The following FUBP3 variants were observed in gnomAD, a reference collection of about 807,000 sequenced individuals.
FUBP3 encodes far upstream element-binding protein 3.
FUBP3 carries 28 observed loss-of-function variants against 85.6 expected under a neutral mutation model. The ratio of observed to expected loss-of-function variants is 0.33; its 90% CI spans 0.24 to 0.45. FUBP3 has a LOEUF of 0.45. Among genes scored for constraint, FUBP3 ranks in the 20% least tolerant of loss-of-function variants. The pLI, the probability that FUBP3 is intolerant of heterozygous loss-of-function variation, is 1.00. For missense variants in FUBP3, 583 were observed against 755.1 expected (o/e 0.77, Z 2.67); for synonymous variants, 271 against 271.4 (o/e 1.00, Z 0.01).
At chr9:130,614,169 TG>T (rs958389904) in intron 5 of FUBP3, 118 bp from the exon 6 acceptor site, 3 of 586,294 alleles carry the variant, frequency 5.1e-6, no homozygotes, top group African/African-American at 3.7e-5. Context: ...TGTCTTTTTC[TG>T]GGAGCCTGGG....
Position 130,631,624 on chromosome 9 carries a change from A to G in FUBP3, c.1346A>G (p.His449Arg). Residue 449 changes from histidine (H) to arginine (R), a missense_variant, in exon 14 of 19, where the codon CAT (histidine) becomes CGT (arginine). By Grantham distance (29) the His-to-Arg change is conservative. This residue lies in a region of FUBP3 where 404 missense variants were observed against 516.8 expected (regional missense o/e 0.78). Transcript: ENST00000319725. The part of the protein sequence containing the change: ...SPFSQPPAPP[H>R]QNTFPPRSSG... ...TTCAGCCAGCCACCTGCCCCACCTC[A>G]TCAAAAGTGAGTCTTTTGCATCAGT... The G allele has an allele frequency of 6.2e-7, 1 of 1,610,982 alleles. No individual in the cohort carries two copies. The highest frequency in any genetic ancestry group is 8.5e-7 in the Non-Finnish European group (1 of 1,177,130).
intron 2 of FUBP3, among the ~76,000 whole-genome samples, chr9:130,607,143 T>C (rs1214064972): frequency 6.6e-6 from 1 of 151,974 alleles, no homozygotes; most frequent in Non-Finnish European, 1.5e-5. Flanking sequence ...GTGTATTTTT[T>C]TTTTTTTTAC....
chr9:130,631,078 C>T, intron 13 of FUBP3: 1 of 1,054,700 alleles, frequency 9.5e-7, no homozygotes. Flanking sequence ...GGGCGGCAGC[C>T]TCCCCCCACG....
chr9:130,636,534 G>A (rs765750036), intron 18 of FUBP3, among the ~76,000 whole-genome samples: 19 of 152,244 alleles, frequency 1.2e-4, no homozygotes, highest in East Asian at 3.8e-4. Context: ...AGCCATGCCC[G>A]GGCAGCAGCA....
intron 2 of FUBP3, among the ~76,000 whole-genome samples, chr9:130,599,702 A>G (rs557052814): frequency 2.3e-4 from 35 of 152,300 alleles, no homozygotes; most frequent in African/African-American, 8.2e-4. Context: ...AGTCTTTGAT[A>G]TGCATCCTTG....
intron 5 of FUBP3, 59 bp from the exon 6 acceptor site, chr9:130,614,229 C>T (rs1313456691): frequency 7.5e-6 from 8 of 1,059,768 alleles, no homozygotes; most frequent in Non-Finnish European, 1.2e-5. Context: ...CTTACAGAGG[C>T]AGAGGTGCAT....
At chr9:130,603,080 C>T (rs1674502442) in intron 2 of FUBP3, among the ~76,000 whole-genome samples, 3 of 152,230 alleles carry the variant, frequency 2.0e-5, no homozygotes, top group South Asian at 4.1e-4. Context: ...GGCATGGTAG[C>T]TCACGCCTGT....
intron 12 of FUBP3, among the ~76,000 whole-genome samples, chr9:130,630,030 AC>A (rs1830149079): frequency 6.6e-6 from 1 of 152,118 alleles, no homozygotes; most frequent in Non-Finnish European, 1.5e-5. Flanking sequence ...TGTGACCTCC[AC>A]CCCATCCTTG....
chr9:130,599,223 C>T (rs565612440), intron 2 of FUBP3, among the ~76,000 whole-genome samples: 9 of 151,988 alleles, frequency 5.9e-5, no homozygotes, highest in South Asian at 2.1e-4. Flanking sequence ...ACCTGGGAGA[C>T]GGAGGTTGCA....
intron 1 of FUBP3, chr9:130,580,528 T>C (rs899630423): frequency 3.3e-5 from 5 of 152,354 alleles, no homozygotes; most frequent in Middle Eastern, 3.4e-3. Context: ...TAAAACTTAC[T>C]TACAAGTCAG....
intron 16 of FUBP3, among the ~76,000 whole-genome samples, chr9:130,633,639 G>T (rs544861829): frequency 2.6e-5 from 4 of 152,308 alleles, no homozygotes; most frequent in African/African-American, 7.2e-5. Context: ...GTGGAGAACC[G>T]GTTTGGGTTG....
intron 16 of FUBP3, 64 bp downstream of exon 16, chr9:130,632,342 G>A (rs1237139652): frequency 7.9e-7 from 1 of 1,268,288 alleles, no homozygotes; most frequent in Non-Finnish European, 1.1e-6. Context: ...GAAGTCCTGG[G>A]GCCAAAACGC....
intron 18 of FUBP3, among the ~76,000 whole-genome samples, chr9:130,636,639 T>C (rs933086189): frequency 6.6e-6 from 1 of 152,208 alleles, no homozygotes; most frequent in Non-Finnish European, 1.5e-5. Flanking sequence ...GGATTTCTTA[T>C]TAAAGAAGGG....
At chr9:130,633,420 C>A (rs182401446) in intron 16 of FUBP3, among the ~76,000 whole-genome samples, 4 of 152,302 alleles carry the variant, frequency 2.6e-5, no homozygotes, top group Non-Finnish European at 5.9e-5. Flanking sequence ...GATAATCCTC[C>A]AGGCAGCAAG....
At position 130,623,659 on chromosome 9, in the gene FUBP3, A is replaced by G. The variant is rs750187901; in HGVS notation, c.923A>G (p.Asp308Gly). ...ERAAQVMGPP[D>G]RCQHAAHIIS... is the part of the protein sequence containing the mutation. ...GCTGCCCAGGTCATGGGCCCTCCGG[A>G]TCGGTGTCAGCATGCAGCGCATATC... is the stretch of plus-strand genomic sequence containing the variant. The change falls in exon 11 of 19, where the codon GAT (aspartate) becomes GGT (glycine). Residue 308 changes from aspartate to glycine, a missense_variant. Coordinates refer to ENST00000319725, the MANE Select transcript of FUBP3 (RefSeq NM_003934.2). The G allele has an allele frequency of 6.2e-6, 10 of 1,614,030 alleles. No homozygotes were observed. In the East Asian group the frequency reaches 2.2e-4, roughly 36 times the overall value.
At chr9:130,625,400 A>G (rs982759337) in intron 11 of FUBP3, among the ~76,000 whole-genome samples, 3 of 152,170 alleles carry the variant, frequency 2.0e-5, no homozygotes, top group South Asian at 2.1e-4. Context: ...AAGCACTCCA[A>G]TTGTCTCAGC....
rs1167934236 is a variant in FUBP3, at chr9:130,637,705, C to T, written c.*683C>T. ...GCTCGTGTGTTTAGCCTACGTTTTTCTCATGCCTCCATTACCAGTTGCAAT... is the reference window on the plus strand; with the variant it reads ...GCTCGTGTGTTTAGCCTACGTTTTTTTCATGCCTCCATTACCAGTTGCAAT... On this transcript the variant is annotated 3_prime_UTR_variant, in exon 19 of 19. Transcript: ENST00000319725. 6.6e-6 allele frequency: 1 copy of T among 152,388 alleles called. No individual in the cohort carries two copies. Among genetic ancestry groups the T allele is most frequent in the East Asian group, 1.9e-4 (1 of 5,204 alleles). The allele number at this position is 152,388 out of a possible 1,614,324, so 9.4% of individuals were successfully genotyped here.
chr9:130,592,690 T>C (rs1203503874), intron 1 of FUBP3, among the ~76,000 whole-genome samples: 1 of 151,834 alleles, frequency 6.6e-6, no homozygotes, highest in Non-Finnish European at 1.5e-5. Context: ...ACTACAGGAA[T>C]GCACCACCAC....
intron 8 of FUBP3, among the ~76,000 whole-genome samples, chr9:130,619,802 A>G (rs1162303881): frequency 1.3e-5 from 2 of 152,252 alleles, no homozygotes; most frequent in Non-Finnish European, 2.9e-5. Context: ...AGTAGGTTAT[A>G]GAAATAAGAT....
Sources: gnomAD v4.1 joint callset for allele counts (sites outside exome capture counted in the v4.1 genomes callset) on GRCh38, gnomAD v4.1.1 for gene constraint, gnomAD v4.1.1 regional missense constraint, MANE v1.5 for transcripts, NCBI Gene and HGNC (gene_info 2026-07-23, HGNC 2026-07-21) for gene names.